TAS2R1: variants seen among roughly 807,000 people sequenced by gnomAD.
TAS2R1 encodes the protein taste 2 receptor member 1, also known as taste receptor type 2 member 1.
For synonymous variants in TAS2R1, 141 were observed against 134.2 expected, an observed-to-expected ratio of 1.05 and a Z score of -0.35; for missense variants, 370 against 353.4, an observed-to-expected ratio of 1.05 and a Z score of -0.38.
chr5:9,813,155 G>A, the TAS2R1 span, among the ~76,000 whole-genome samples: 1 of 152,118 alleles, frequency 6.6e-6, no homozygotes, highest in African/African-American at 2.4e-5. Flanking sequence ...TGGACACAGA[G>A]ATACCCATAG....
chr5:9,648,072 T>C (rs1325307395), intron 2 of TAS2R1, among the ~76,000 whole-genome samples: 1 of 152,142 alleles, frequency 6.6e-6, no homozygotes, highest in Non-Finnish European at 1.5e-5. Context: ...AAGCAACTAT[T>C]GTCAGCTATA....
the TAS2R1 span, among the ~76,000 whole-genome samples, chr5:9,857,431 G>A: frequency 1.3e-5 from 2 of 152,212 alleles, no homozygotes; most frequent in Middle Eastern, 3.4e-3. Context: ...GTGAACAACT[G>A]GTATATATGG....
chr5:9,751,153 T>C, the TAS2R1 span, among the ~76,000 whole-genome samples: 1,336 of 151,292 alleles, frequency 8.8e-3, 13 homozygotes, highest in Middle Eastern at 0.014. Context: ...CTGTGATAAA[T>C]GGATCTATCT....
the TAS2R1 span, among the ~76,000 whole-genome samples, chr5:9,901,752 G>A: frequency 4.7e-4 from 72 of 152,278 alleles, 1 homozygote; most frequent in Middle Eastern, 0.01. Flanking sequence ...CAGGCAAGAA[G>A]ACTGGAAGTC....
chr5:9,833,519 G>C, the TAS2R1 span, among the ~76,000 whole-genome samples: 1 of 152,178 alleles, frequency 6.6e-6, no homozygotes, highest in African/African-American at 2.4e-5. Context: ...ATGAAAAGAT[G>C]CCCTGATGCT....
chr5:9,733,860 C>CT, the TAS2R1 span, among the ~76,000 whole-genome samples: 313 of 149,236 alleles, frequency 2.1e-3, no homozygotes, highest in Admixed American at 3.0e-3. Flanking sequence ...AATTGCATTG[C>CT]TTTTTTTTTT....
chr5:9,801,553 C>T, the TAS2R1 span, among the ~76,000 whole-genome samples: 1 of 152,194 alleles, frequency 6.6e-6, no homozygotes, highest in Non-Finnish European at 1.5e-5. Flanking sequence ...GGAAAGGGAT[C>T]ACCGTTGCAG....
the TAS2R1 span, among the ~76,000 whole-genome samples, chr5:9,893,430 C>T: frequency 2.0e-5 from 3 of 151,962 alleles, no homozygotes; most frequent in African/African-American, 4.8e-5. Flanking sequence ...CTCCTATCTC[C>T]GACTTCTTCG....
the TAS2R1 span, among the ~76,000 whole-genome samples, chr5:9,813,297 T>G: frequency 1.3e-5 from 2 of 152,230 alleles, no homozygotes; most frequent in Non-Finnish European, 2.9e-5. Flanking sequence ...AACTTCTAGC[T>G]TCCACAACTG....
At chr5:9,680,723 A>C (rs1740977065) in intron 1 of TAS2R1, among the ~76,000 whole-genome samples, 1 of 152,176 alleles carries the variant, frequency 6.6e-6, no homozygotes. Flanking sequence ...AAACTGCCAC[A>C]GTCAAGAGTA....
chr5:9,724,344 C>CTT, the TAS2R1 span, among the ~76,000 whole-genome samples: 304 of 124,668 alleles, frequency 2.4e-3, 2 homozygotes, highest in African/African-American at 7.6e-3. Flanking sequence ...ATGTTTCTTT[C>CTT]TTTTTTTTTT....
the TAS2R1 span, among the ~76,000 whole-genome samples, chr5:9,898,359 A>G: frequency 4.9e-4 from 75 of 152,234 alleles, 1 homozygote; most frequent in South Asian, 0.016. Flanking sequence ...AAGCCTCCTC[A>G]TCTCCTGGCT....
chr5:9,795,086 G>A, the TAS2R1 span, among the ~76,000 whole-genome samples: 5 of 152,188 alleles, frequency 3.3e-5, no homozygotes, highest in South Asian at 2.1e-4. Flanking sequence ...GATATTCAAC[G>A]TCCTCTTTCT....
At chr5:9,667,114 A>G (rs1740650910) in intron 1 of TAS2R1, among the ~76,000 whole-genome samples, 1 of 152,218 alleles carries the variant, frequency 6.6e-6, no homozygotes, top group Non-Finnish European at 1.5e-5. Context: ...ATACATGCAT[A>G]CCATGTGCCT....
At chr5:9,796,720 GGAAAA>G in the TAS2R1 span, among the ~76,000 whole-genome samples, 1 of 77,334 alleles carries the variant, frequency 1.3e-5, no homozygotes, top group Non-Finnish European at 2.3e-5. Flanking sequence ...GCTATTTTCT[GGAAAA>G]AAAAAAAAAA....
intron 1 of TAS2R1, among the ~76,000 whole-genome samples, chr5:9,677,001 A>T (rs1285287886): frequency 6.6e-6 from 1 of 152,226 alleles, no homozygotes; most frequent in Non-Finnish European, 1.5e-5. Flanking sequence ...ACATGGAATC[A>T]ACCTAAATGC....
intron 2 of TAS2R1, among the ~76,000 whole-genome samples, chr5:9,644,717 G>T (rs1292731578): frequency 1.3e-5 from 2 of 152,132 alleles, no homozygotes; most frequent in African/African-American, 4.8e-5. Flanking sequence ...ATTGCCAGCT[G>T]GAGTATCTGA....
At chr5:9,750,529 G>A in the TAS2R1 span, among the ~76,000 whole-genome samples, 1 of 152,152 alleles carries the variant, frequency 6.6e-6, no homozygotes, top group Non-Finnish European at 1.5e-5. Flanking sequence ...AATTACCCAA[G>A]AGAAAGGAGA....
At chr5:9,746,625 A>G in the TAS2R1 span, among the ~76,000 whole-genome samples, 3 of 152,262 alleles carry the variant, frequency 2.0e-5, no homozygotes, top group African/African-American at 7.2e-5. Flanking sequence ...AGGGACATAG[A>G]TGAAGCTGGA....
Sources: allele counts gnomAD v4.1 joint callset (sites outside exome capture counted in the v4.1 genomes callset), GRCh38; gene constraint gnomAD v4.1.1; transcripts MANE v1.5; gene names NCBI Gene and HGNC (gene_info 2026-07-23, HGNC 2026-07-21).